The following GLRX3 variants were observed in gnomAD, a reference collection of about 807,000 sequenced individuals.
GLRX3 encodes glutaredoxin 3.
In GLRX3, 22 loss-of-function variants were observed where a neutral mutation model predicts 49.5. The observed-to-expected ratio is 0.44, with a 90% CI of 0.32 to 0.63. GLRX3 has a LOEUF of 0.63. Ranked by LOEUF, GLRX3 falls within the 30% of genes least tolerant of loss-of-function variation. The pLI, the probability that GLRX3 is intolerant of heterozygous loss-of-function variation, is 0.05. For missense variants in GLRX3, 385 were observed against 396.3 expected, an observed-to-expected ratio of 0.97 and a Z score of 0.24; for synonymous variants, 133 against 140.0, an observed-to-expected ratio of 0.95 and a Z score of 0.35.
intron 7 of GLRX3, among the ~76,000 whole-genome samples, 182 bp downstream of exon 7, chr10:130,169,672 T>C (rs550441935): frequency 6.6e-6 from 1 of 152,382 alleles, no homozygotes; most frequent in East Asian, 1.9e-4. Context: ...TGCTTGACTT[T>C]ATCATCAACA....
chr10:130,168,198 G>A (rs577740679), intron 6 of GLRX3, among the ~76,000 whole-genome samples: 1 of 152,160 alleles, frequency 6.6e-6, no homozygotes, highest in African/African-American at 2.4e-5. Context: ...AAAGGGCTCC[G>A]AGTGAGCAGA....
At chr10:130,165,503 A>C (rs1862664167) in intron 4 of GLRX3, among the ~76,000 whole-genome samples, 1 of 152,212 alleles carries the variant, frequency 6.6e-6, no homozygotes, top group African/African-American at 2.4e-5. Context: ...ATTACATTAC[A>C]TACTTTAGGG....
intron 8 of GLRX3, among the ~76,000 whole-genome samples, chr10:130,172,371 A>G (rs1862827947): frequency 6.6e-6 from 1 of 152,330 alleles, no homozygotes; most frequent in Non-Finnish European, 1.5e-5. Context: ...CAGTGCTCCT[A>G]GTTTTGATGT....
chr10:130,146,686 AC>A (rs2134878259), intron 2 of GLRX3, among the ~76,000 whole-genome samples: 2 of 152,348 alleles, frequency 1.3e-5, no homozygotes, highest in East Asian at 3.9e-4. Flanking sequence ...GATTTAAAAA[AC>A]AAATGAAAAA....
chr10:130,152,024 ATT>A (rs368596235), intron 2 of GLRX3, among the ~76,000 whole-genome samples: 2 of 145,070 alleles, frequency 1.4e-5, no homozygotes, highest in Non-Finnish European at 1.5e-5. Context: ...TTGTGTGTGA[ATT>A]TTTTTTTTTT....
intron 2 of GLRX3, among the ~76,000 whole-genome samples, chr10:130,154,081 G>T (rs370351946): frequency 1.3e-5 from 2 of 152,348 alleles, no homozygotes; most frequent in African/African-American, 4.8e-5. Flanking sequence ...GTCCTAGGTC[G>T]ATCTCAGACT....
chr10:130,142,909 C>T (rs973837459), intron 1 of GLRX3, among the ~76,000 whole-genome samples: 26 of 152,208 alleles, frequency 1.7e-4, no homozygotes, highest in African/African-American at 6.0e-4. Context: ...CCCCCTGAGG[C>T]GCTGACCTCG....
At chr10:130,149,043 G>T (rs1832448571) in intron 2 of GLRX3, among the ~76,000 whole-genome samples, 2 of 152,090 alleles carry the variant, frequency 1.3e-5, no homozygotes, top group African/African-American at 4.8e-5. Context: ...GGGTGACAGA[G>T]TGAGACCTTG....
chr10:130,137,167 C>T (rs1473981460), intron 1 of GLRX3, among the ~76,000 whole-genome samples: 1 of 152,230 alleles, frequency 6.6e-6, no homozygotes, highest in African/African-American at 2.4e-5. Flanking sequence ...ACAGAGATTT[C>T]CTGTTCCATG....
intron 8 of GLRX3, among the ~76,000 whole-genome samples, chr10:130,173,246 A>G (rs909082943): frequency 6.6e-6 from 1 of 152,154 alleles, no homozygotes; most frequent in Non-Finnish European, 1.5e-5. Context: ...ACATCTTGGT[A>G]ACTTGGCTTT....
At chr10:130,153,416 T>G (rs979859331) in intron 2 of GLRX3, among the ~76,000 whole-genome samples, 2 of 152,362 alleles carry the variant, frequency 1.3e-5, no homozygotes, top group African/African-American at 4.8e-5. Context: ...CTGCTCTGGT[T>G]TCTCCCCATC....
At chr10:130,149,125 A>T (rs1308578091) in intron 2 of GLRX3, among the ~76,000 whole-genome samples, 1 of 151,996 alleles carries the variant, frequency 6.6e-6, no homozygotes, top group Non-Finnish European at 1.5e-5. Context: ...GTGGTGTTCC[A>T]TTTACCTGAG....
chr10:130,150,503 C>T (rs1359306285), intron 2 of GLRX3, among the ~76,000 whole-genome samples: 1 of 152,128 alleles, frequency 6.6e-6, no homozygotes, highest in Non-Finnish European at 1.5e-5. Flanking sequence ...AGCTGCTGTA[C>T]TTGCATTTTA....
intron 1 of GLRX3, among the ~76,000 whole-genome samples, chr10:130,137,287 G>A (rs1486925361): frequency 6.6e-6 from 1 of 152,192 alleles, no homozygotes; most frequent in Non-Finnish European, 1.5e-5. Flanking sequence ...CGTTTTCTGG[G>A]TGGACTAGAA....
intron 2 of GLRX3, among the ~76,000 whole-genome samples, chr10:130,156,022 G>T (rs919292961): frequency 1.3e-5 from 2 of 152,122 alleles, no homozygotes; most frequent in Admixed American, 1.3e-4. Flanking sequence ...GTAGGGAGGC[G>T]CTTGGCTCCA....
chr10:130,156,749 C>T (rs757364021), intron 2 of GLRX3, among the ~76,000 whole-genome samples: 3 of 152,194 alleles, frequency 2.0e-5, no homozygotes, highest in Non-Finnish European at 4.4e-5. Context: ...GCCTCCCTTG[C>T]GCTTTCTTTC....
chr10:130,169,508 G>T lies in GLRX3; in HGVS notation c.771+18G>T. On this transcript the variant is annotated intron_variant, in intron 7 of 10. Coordinates refer to ENST00000331244, the MANE Select transcript of GLRX3 (RefSeq NM_006541.5). Reference sequence around the variant, plus strand: ...ACAAACAGGTAAAGAACTCAAAAATGGTTTTATTTGTAATTTCTTTTGATG... The same window carrying T: ...ACAAACAGGTAAAGAACTCAAAAATTGTTTTATTTGTAATTTCTTTTGATG... 1 of 1,523,302 alleles carries T rather than the reference G, an allele frequency of 6.6e-7. No individual in the cohort carries two copies. Among genetic ancestry groups the T allele is most frequent in the South Asian group, 1.1e-5 (1 of 89,074 alleles). The allele number at this position is 1,523,302 out of a possible 1,614,324, so 94.4% of individuals were successfully genotyped here.
At chr10:130,165,679 T>A (rs1862668585) in intron 4 of GLRX3, among the ~76,000 whole-genome samples, 1 of 152,250 alleles carries the variant, frequency 6.6e-6, no homozygotes, top group Non-Finnish European at 1.5e-5. Flanking sequence ...TCTTGATTTC[T>A]AATTTATCCT....
intron 1 of GLRX3, among the ~76,000 whole-genome samples, chr10:130,142,461 TCTG>T (rs1392195214): frequency 6.6e-6 from 1 of 152,196 alleles, no homozygotes; most frequent in Non-Finnish European, 1.5e-5. Context: ...TCCTGCCTCT[TCTG>T]AGTCCTTGCA....
Sources: allele counts gnomAD v4.1 joint callset (sites outside exome capture counted in the v4.1 genomes callset), GRCh38; gene constraint gnomAD v4.1.1; transcripts MANE v1.5; gene names NCBI Gene and HGNC (gene_info 2026-07-23, HGNC 2026-07-21).